MGST2: variants seen among roughly 807,000 people sequenced by gnomAD.
The protein encoded by MGST2 is microsomal glutathione S-transferase 2, also known as glutathione peroxidase MGST2.
In MGST2, 9 loss-of-function variants were observed where a neutral mutation model predicts 16.6. That is an observed-to-expected ratio of 0.54 (90% CI 0.33 to 0.95). The LOEUF is 0.95. MGST2 is among the 40% of genes least tolerant of loss of function. The pLI, the probability that MGST2 is intolerant of heterozygous loss-of-function variation, is 0.03. For missense variants in MGST2, 159 were observed against 175.1 expected, an observed-to-expected ratio of 0.91 and a Z score of 0.52; for synonymous variants, 79 against 68.0, an observed-to-expected ratio of 1.16 and a Z score of -0.79.
chr4:139,749,028 C>T, the MGST2 span, among the ~76,000 whole-genome samples: 1 of 152,102 alleles, frequency 6.6e-6, no homozygotes, highest in South Asian at 2.1e-4. Flanking sequence ...CCCATCTGGC[C>T]CCCCACAAAC....
rs554541125 is a variant in MGST2 at position 139,735,472 on chromosome 4, G to T, written c.*49-4740G>T. Reference sequence around the variant, plus strand: ...GTAGGGGGGCAGTGGCGACCTCCGGGGGGGGAGGGTGGCGGACACCAGACC... The same window carrying T: ...GTAGGGGGGCAGTGGCGACCTCCGGTGGGGGAGGGTGGCGGACACCAGACC... On this transcript the variant is annotated intron_variant, in intron 5 of 5. Transcript: ENST00000616265. This position sits in a 1 kb window ranked among gnomAD's most constrained non-coding sequence, Gnocchi z 5.8. 1.1e-4 allele frequency among the ~76,000 whole-genome samples: 17 copies of T among 151,778 alleles called. No individual in the cohort carries two copies. The highest frequency in any genetic ancestry group is 2.7e-4 in the African/African-American group (11 of 41,340).
At chr4:139,725,832 A>G (rs1728449806) in intron 5 of MGST2, 1 of 1,613,692 alleles carries the variant, frequency 6.2e-7, no homozygotes, top group Admixed American at 1.7e-5. Context: ...GATTGCTGCA[A>G]CTGCTAGAAC....
At chr4:139,675,915 TA>T (rs1481726926) in intron 1 of MGST2, among the ~76,000 whole-genome samples, 1 of 152,166 alleles carries the variant, frequency 6.6e-6, no homozygotes, top group East Asian at 1.9e-4. Context: ...AGAGAAAGTC[TA>T]GTTACATATA....
chr4:139,716,726 G>T (rs2110941868), intron 5 of MGST2: 1 of 152,524 alleles, frequency 6.6e-6, no homozygotes, highest in Non-Finnish European at 1.5e-5. Flanking sequence ...GCTCCAGTGA[G>T]GATCTTAAAA....
At chr4:139,689,098 C>T (rs909601524) in intron 2 of MGST2, among the ~76,000 whole-genome samples, 5 of 129,040 alleles carry the variant, frequency 3.9e-5, no homozygotes, top group African/African-American at 6.1e-5. Context: ...CAGAGTGAGA[C>T]GCCATCTCAA....
At chr4:139,725,740 A>G (rs767304343) in intron 5 of MGST2, 3 of 1,613,610 alleles carry the variant, frequency 1.9e-6, no homozygotes, top group Admixed American at 1.7e-5. Flanking sequence ...GAGAGGTTGC[A>G]CTGGCCTCAC....
At chr4:139,753,341 A>AATCTATCTATCTATCTATCT in the MGST2 span, among the ~76,000 whole-genome samples, 1 of 146,578 alleles carries the variant, frequency 6.8e-6, no homozygotes, top group Non-Finnish European at 1.5e-5. Flanking sequence ...TTTTCTTTTT[A>AATCTATCTATCTATCTATCT]ATCTATCTAT....
chr4:139,702,900 G>A (rs1727348863), intron 3 of MGST2, among the ~76,000 whole-genome samples: 2 of 105,778 alleles, frequency 1.9e-5, no homozygotes, highest in South Asian at 3.3e-4. Context: ...TGGATGTGTG[G>A]TGGTGCCATC....
At chr4:139,711,233 A>G (rs1203003193) in intron 5 of MGST2, among the ~76,000 whole-genome samples, 1 of 152,008 alleles carries the variant, frequency 6.6e-6, no homozygotes, top group Non-Finnish European at 1.5e-5. Context: ...GCTGGTCTCA[A>G]ACTGTTACAG....
chr4:139,688,403 T>C (rs971513407), intron 2 of MGST2, among the ~76,000 whole-genome samples: 2 of 152,236 alleles, frequency 1.3e-5, no homozygotes, highest in Admixed American at 1.3e-4. Flanking sequence ...TGCTGAATTA[T>C]TCAGTTCCTG....
chr4:139,707,317 T>A, downstream of MGST2, among the ~76,000 whole-genome samples: 1 of 152,208 alleles, frequency 6.6e-6, no homozygotes. Flanking sequence ...TTTTTTGTCC[T>A]TGTGATAGTT....
chr4:139,750,875 G>T, the MGST2 span, among the ~76,000 whole-genome samples: 4 of 152,164 alleles, frequency 2.6e-5, no homozygotes, highest in Non-Finnish European at 5.9e-5. Context: ...CAGAAGAAGG[G>T]TTTTTGTTTT....
intron 2 of MGST2, among the ~76,000 whole-genome samples, chr4:139,683,592 C>T (rs1336488271): frequency 2.0e-5 from 3 of 151,972 alleles, no homozygotes; most frequent in African/African-American, 4.8e-5. Flanking sequence ...ATAAACAAAT[C>T]TGCATTTTAG....
At chr4:139,736,690 T>A (rs1410024765) in intron 5 of MGST2, among the ~76,000 whole-genome samples, 1 of 152,170 alleles carries the variant, frequency 6.6e-6, no homozygotes, top group Non-Finnish European at 1.5e-5. Context: ...TCAAATGCAT[T>A]AGTCCCCACC....
At chr4:139,734,638 T>C (rs956043238) in intron 5 of MGST2, among the ~76,000 whole-genome samples, 1 of 152,252 alleles carries the variant, frequency 6.6e-6, no homozygotes, top group Admixed American at 6.5e-5. Flanking sequence ...AAAAGCACCC[T>C]TACCTCCCCC....
At chr4:139,679,283 C>T (rs706350) in intron 2 of MGST2, among the ~76,000 whole-genome samples, 72,436 of 152,006 alleles carry the variant, frequency 0.48, 17,769 homozygotes, top group East Asian at 0.71. Context: ...CATGCGTCAC[C>T]ACTGATATAT....
At chr4:139,728,305 C>T (rs748543502) in intron 5 of MGST2, among the ~76,000 whole-genome samples, 3 of 152,202 alleles carry the variant, frequency 2.0e-5, no homozygotes, top group Admixed American at 6.5e-5. Flanking sequence ...TCCTCAGGTA[C>T]AGGCAAGACG....
intron 5 of MGST2, among the ~76,000 whole-genome samples, chr4:139,727,629 C>T (rs1210149275): frequency 6.6e-6 from 1 of 152,218 alleles, no homozygotes; most frequent in Non-Finnish European, 1.5e-5. Context: ...TTTCTAAGTT[C>T]TGTCTAACCT....
intron 2 of MGST2, among the ~76,000 whole-genome samples, chr4:139,690,147 A>G (rs1726487117): frequency 6.6e-6 from 1 of 151,980 alleles, no homozygotes; most frequent in Non-Finnish European, 1.5e-5. Flanking sequence ...ACGCACCACC[A>G]TGCTCAGTTA....
Sources: gnomAD v4.1 joint callset for allele counts (sites outside exome capture counted in the v4.1 genomes callset) on GRCh38, gnomAD v4.1.1 for gene constraint, Gnocchi (gnomAD v3.1) non-coding constraint, MANE v1.5 for transcripts, NCBI Gene and HGNC (gene_info 2026-07-23, HGNC 2026-07-21) for gene names.